Variants in MCTP1 observed in about 807,000 individuals in gnomAD.
The protein encoded by MCTP1 is multiple C2 and transmembrane domain-containing protein 1.
A neutral mutation model predicts 120.6 loss-of-function variants in MCTP1; 69 were observed. The ratio of observed to expected loss-of-function variants is 0.57; its 90% confidence interval spans 0.47 to 0.70. The LOEUF is 0.70. Among genes scored for constraint, MCTP1 ranks in the 30% least tolerant of loss-of-function variants. The pLI is 0.00. For missense variants in MCTP1, 1,203 were observed against 1,248.8 expected (o/e 0.96, Z 0.55); for synonymous variants, 529 against 493.1 (o/e 1.07, Z -0.96).
intron 2 of MCTP1, among the ~76,000 whole-genome samples, chr5:94,958,860 A>G (rs938803605): frequency 1.3e-5 from 2 of 152,208 alleles, no homozygotes; most frequent in Non-Finnish European, 2.9e-5. Flanking sequence ...GCTGGTAACC[A>G]TTCCTTCTAA....
intron 1 of MCTP1, among the ~76,000 whole-genome samples, chr5:95,243,167 T>C (rs1190185208): frequency 6.6e-6 from 1 of 152,086 alleles, no homozygotes; most frequent in Admixed American, 6.6e-5. Context: ...AACGGATAAG[T>C]AGAATTCACA....
At chr5:95,170,244 G>A (rs1045497495) in intron 1 of MCTP1, among the ~76,000 whole-genome samples, 1 of 152,330 alleles carries the variant, frequency 6.6e-6, no homozygotes, top group African/African-American at 2.4e-5. Flanking sequence ...TTCATCCAGA[G>A]TTCTAGTTTG....
intron 2 of MCTP1, among the ~76,000 whole-genome samples, chr5:94,962,836 A>G (rs1013893141): frequency 5.3e-5 from 8 of 152,142 alleles, no homozygotes; most frequent in Admixed American, 3.9e-4. Flanking sequence ...TCATGTAACC[A>G]AATACCATTT....
At chr5:94,747,594 C>T (rs1707148864) in intron 19 of MCTP1, among the ~76,000 whole-genome samples, 1 of 152,122 alleles carries the variant, frequency 6.6e-6, no homozygotes, top group African/African-American at 2.4e-5. Flanking sequence ...TTACAGTTGG[C>T]TGAATTTGGC....
intron 9 of MCTP1, among the ~76,000 whole-genome samples, 197 bp from the exon 10 acceptor site, chr5:94,909,578 C>T (rs1389655857): frequency 6.6e-6 from 1 of 151,806 alleles, no homozygotes; most frequent in Non-Finnish European, 1.5e-5. Flanking sequence ...ATGAATGGAC[C>T]TCAATGGATG....
At position 94,986,757 on chromosome 5, in the gene MCTP1, C is replaced by T. The variant is rs190381739; in HGVS notation, c.838+30610G>A. Among the ~76,000 whole-genome samples the T allele has an allele frequency of 1.8e-4, 28 of 152,190 alleles. 1 individual carries two copies. In the East Asian group the frequency reaches 4.3e-3, roughly 23 times the overall value. ...AACTCCTGATCTCAAGTGATCCAAC[C>T]GCCTCGGCCTCCCAAAGTGCTGGGA... On this transcript the variant is annotated intron_variant, in intron 2 of 22. Coordinates refer to ENST00000515393, the MANE Select transcript of MCTP1 (RefSeq NM_024717.7).
chr5:95,197,950 G>A (rs1014304106), intron 1 of MCTP1, among the ~76,000 whole-genome samples: 2 of 152,070 alleles, frequency 1.3e-5, no homozygotes, highest in African/African-American at 4.8e-5. Context: ...GTAAACACAT[G>A]TAAATAGTTG....
At chr5:95,181,506 C>T (rs1371272332) in intron 1 of MCTP1, among the ~76,000 whole-genome samples, 1 of 152,156 alleles carries the variant, frequency 6.6e-6, no homozygotes, top group African/African-American at 2.4e-5. Context: ...AGAGCACTTC[C>T]TGTTCGCATC....
chr5:95,164,028 A>G (rs1746044375), intron 1 of MCTP1, among the ~76,000 whole-genome samples: 1 of 152,116 alleles, frequency 6.6e-6, no homozygotes, highest in South Asian at 2.1e-4. Flanking sequence ...CTTTGTATCT[A>G]TGATTTATTA....
intron 1 of MCTP1, among the ~76,000 whole-genome samples, chr5:95,034,514 T>C (rs1337265610): frequency 6.6e-5 from 10 of 152,078 alleles, no homozygotes; most frequent in Non-Finnish European, 1.5e-4. Flanking sequence ...GAAAACTGGC[T>C]AGCCACATAC....
chr5:94,791,129 A>AG (rs1435435523), intron 18 of MCTP1, among the ~76,000 whole-genome samples: 41 of 149,022 alleles, frequency 2.8e-4, no homozygotes, highest in Non-Finnish European at 2.1e-4. Context: ...AAAAAAAAAA[A>AG]AAAAGAAAAA....
chr5:94,867,204 CAGAGAG>C, intron 17 of MCTP1: 1 of 1,379,892 alleles, frequency 7.2e-7, no homozygotes, highest in Non-Finnish European at 9.5e-7. Context: ...CTGAGAGAGA[CAGAGAG>C]AGAGAGATTT....
chr5:94,893,437 A>G (rs1025523476), intron 11 of MCTP1, among the ~76,000 whole-genome samples: 2 of 152,210 alleles, frequency 1.3e-5, no homozygotes, highest in Admixed American at 1.3e-4. Flanking sequence ...CATAACTGCA[A>G]TTATATATTA....
chr5:95,106,116 A>G (rs905012111), intron 1 of MCTP1, among the ~76,000 whole-genome samples: 1 of 152,216 alleles, frequency 6.6e-6, no homozygotes, highest in African/African-American at 2.4e-5. Flanking sequence ...ATCTGCTGGT[A>G]TCTTTCTGGG....
At chr5:94,921,932 C>T (rs530453854) in intron 7 of MCTP1, among the ~76,000 whole-genome samples, 38 of 152,288 alleles carry the variant, frequency 2.5e-4, no homozygotes, top group African/African-American at 8.9e-4. Flanking sequence ...AGGGACTCTA[C>T]TGCTGTAAGT....
intron 7 of MCTP1, among the ~76,000 whole-genome samples, chr5:94,919,649 C>T (rs1380201623): frequency 6.6e-6 from 1 of 152,122 alleles, no homozygotes; most frequent in Non-Finnish European, 1.5e-5. Context: ...AAATGATCCC[C>T]GAGACACTAC....
At chr5:95,167,909 A>G (rs1440828423) in intron 1 of MCTP1, among the ~76,000 whole-genome samples, 1 of 152,060 alleles carries the variant, frequency 6.6e-6, no homozygotes, top group Non-Finnish European at 1.5e-5. Flanking sequence ...ATTAAATCCC[A>G]TTTGTCAATT....
chr5:95,099,545 G>C (rs1756549986), intron 1 of MCTP1, among the ~76,000 whole-genome samples: 3 of 151,490 alleles, frequency 2.0e-5, no homozygotes, highest in Admixed American at 2.0e-4. Context: ...CTGGCCATCA[G>C]AGAAATACAA....
chr5:94,859,915 C>G (rs989373995), intron 17 of MCTP1, among the ~76,000 whole-genome samples: 2 of 151,608 alleles, frequency 1.3e-5, no homozygotes, highest in East Asian at 1.9e-4. Flanking sequence ...TATGACAACA[C>G]TGGATGAAAA....
Sources: allele counts gnomAD v4.1 joint callset (sites outside exome capture counted in the v4.1 genomes callset), GRCh38; gene constraint gnomAD v4.1.1; transcripts MANE v1.5; gene names NCBI Gene and HGNC (gene_info 2026-07-23, HGNC 2026-07-21).